Variants in TYW1 observed in about 807,000 individuals in gnomAD.
TYW1 encodes tRNA-yW synthesizing protein 1 homolog, also known as S-adenosyl-L-methionine-dependent tRNA 4-demethylwyosine synthase TYW1.
A neutral mutation model predicts 96.2 loss-of-function variants in TYW1; 46 were observed. That is an observed-to-expected ratio of 0.48 (90% CI 0.38 to 0.61). The LOEUF (loss-of-function observed/expected upper bound fraction) is 0.61, where lower values mean the gene tolerates loss of function less well. Ranked by LOEUF, TYW1 falls within the 20% of genes least tolerant of loss-of-function variation. The probability of loss-of-function intolerance (pLI) is 0.00; values close to 1 mark genes in which losing one functional copy is unlikely to be tolerated. For missense variants in TYW1, 684 were observed against 909.6 expected (o/e 0.75, Z 3.19); for synonymous variants, 274 against 323.0 (o/e 0.85, Z 1.63).
intron 7 of TYW1, among the ~76,000 whole-genome samples, chr7:67,029,413 G>GCA (rs1794585596): frequency 1.1e-5 from 1 of 93,456 alleles, no homozygotes; most frequent in Non-Finnish European, 2.2e-5. Context: ...GTGTGTGTGT[G>GCA]TGTATATATA....
chr7:67,060,250 A>G (rs1795655792), intron 9 of TYW1, among the ~76,000 whole-genome samples: 1 of 150,670 alleles, frequency 6.6e-6, no homozygotes, highest in South Asian at 2.1e-4. Context: ...TAATTTTTAT[A>G]TTTTCAGTAG....
At chr7:67,170,202 C>A (rs35877378) in intron 13 of TYW1, among the ~76,000 whole-genome samples, 42,562 of 151,760 alleles carry the variant, frequency 0.28, 6,485 homozygotes, top group African/African-American at 0.4. Flanking sequence ...TTCCCCATTG[C>A]ATTGTCTTTG....
intron 1 of TYW1, among the ~76,000 whole-genome samples, chr7:66,997,742 C>T (rs1347088807): frequency 2.0e-5 from 3 of 151,330 alleles, no homozygotes; most frequent in African/African-American, 7.3e-5. Flanking sequence ...AGTTCTCCTG[C>T]CTCAGCCCCC....
rs35654128 is a variant in TYW1, at chr7:67,072,248, C to CT, written c.1274+4861dup. The stretch of plus-strand genomic sequence containing the variant: ...AGACCTTTGTTAACCCCTCTACCCA[C>CT]TTTTTTTTTTTTTTTTGAGACGGAG... On this transcript the variant is annotated intron_variant, in intron 10 of 15. Coordinates refer to ENST00000359626, the MANE Select transcript of TYW1 (RefSeq NM_018264.4). Among the ~76,000 whole-genome samples, 398 of 128,928 alleles carry CT rather than the reference C, an allele frequency of 3.1e-3. 6 individuals are homozygous for CT. In the East Asian group the frequency reaches 0.033, roughly 11 times the overall value. The allele number at this position is 128,928 out of a possible 152,430, so 84.6% of individuals were successfully genotyped here.
intron 13 of TYW1, among the ~76,000 whole-genome samples, chr7:67,128,179 C>T (rs1797960145): frequency 6.6e-6 from 1 of 152,168 alleles, no homozygotes; most frequent in South Asian, 2.1e-4. Context: ...GTTACACATA[C>T]ATTACACCCT....
At chr7:67,144,482 G>T (rs1215441639) in intron 13 of TYW1, among the ~76,000 whole-genome samples, 1 of 151,632 alleles carries the variant, frequency 6.6e-6, no homozygotes, top group Non-Finnish European at 1.5e-5. Flanking sequence ...GTTTTGTTTT[G>T]TTTTTTTGAG....
intron 6 of TYW1, among the ~76,000 whole-genome samples, chr7:67,021,630 A>G (rs1447406884): frequency 6.6e-6 from 1 of 151,124 alleles, no homozygotes; most frequent in Non-Finnish European, 1.5e-5. Context: ...CTCTTACTGG[A>G]TTGGAATCTT....
At position 66,996,924 on chromosome 7, in the gene TYW1, G is replaced by C; in HGVS notation, c.-55G>C. The C allele has an allele frequency of 6.2e-7, 1 of 1,613,272 alleles. No individual in the cohort carries two copies. The highest frequency in any genetic ancestry group is 8.5e-7 in the Non-Finnish European group (1 of 1,179,652). On this transcript the variant is annotated 5_prime_UTR_variant, in exon 1 of 16. Coordinates refer to ENST00000359626, the MANE Select transcript of TYW1 (RefSeq NM_018264.4). The stretch of plus-strand genomic sequence containing the variant: ...TCGGTGCGTCTCGCGGTACCAGTGC[G>C]AATCATCGGGCTATCCAGGTCCGAG...
intron 6 of TYW1, among the ~76,000 whole-genome samples, chr7:67,023,776 AAAC>A (rs1299113819): frequency 6.6e-6 from 1 of 151,978 alleles, no homozygotes; most frequent in Non-Finnish European, 1.5e-5. Context: ...ACAACAACAA[AAAC>A]AACAACAACA....
intron 9 of TYW1, among the ~76,000 whole-genome samples, chr7:67,056,830 A>G (rs1795532457): frequency 6.6e-6 from 1 of 152,154 alleles, no homozygotes; most frequent in African/African-American, 2.4e-5. Flanking sequence ...GAGTAGGTAT[A>G]TATTTAACTT....
intron 10 of TYW1, among the ~76,000 whole-genome samples, chr7:67,077,317 T>G (rs185105354): frequency 1.3e-5 from 2 of 152,342 alleles, no homozygotes; most frequent in African/African-American, 4.8e-5. Context: ...TTGAGGAATC[T>G]CCATATTGTT....
chr7:67,117,787 G>A (rs1797640313), intron 13 of TYW1, among the ~76,000 whole-genome samples, 169 bp downstream of exon 13: 2 of 152,136 alleles, frequency 1.3e-5, no homozygotes, highest in African/African-American at 4.8e-5. Context: ...CCTTCTTCAA[G>A]GAATTTTGAA....
In TYW1 at chr7:67,176,785, AT is replaced by A. The variant is rs1317617128; in HGVS notation, c.1699-6336del. On this transcript the variant is annotated intron_variant, in intron 13 of 15. Coordinates refer to ENST00000359626, the MANE Select transcript of TYW1 (RefSeq NM_018264.4). ...ATAAGAGAACTTGCTCCACTGTAGG[AT>A]TTTTCAACATTGGCACCATCGACAT... Among the ~76,000 whole-genome samples, 3 of 152,188 alleles carry A rather than the reference AT, an allele frequency of 2.0e-5. No homozygotes were observed. In the East Asian group the frequency reaches 5.8e-4, roughly 29 times the overall value.
At chr7:67,017,814 G>A (rs1794076795) in intron 5 of TYW1, 39 bp from the exon 6 acceptor site, 1 of 1,576,826 alleles carries the variant, frequency 6.3e-7, no homozygotes, top group Admixed American at 1.8e-5. Flanking sequence ...CCCTGATTTA[G>A]AGAACCGTGC....
chr7:67,149,061 G>C (rs546880562), intron 13 of TYW1, among the ~76,000 whole-genome samples: 9 of 152,262 alleles, frequency 5.9e-5, no homozygotes, highest in Non-Finnish European at 1.2e-4. Context: ...TTACCAAGTA[G>C]ATTTCATCCT....
intron 10 of TYW1, among the ~76,000 whole-genome samples, chr7:67,072,608 G>A (rs2115703121): frequency 6.6e-6 from 1 of 152,210 alleles, no homozygotes; most frequent in South Asian, 2.1e-4. Context: ...AGCAGAGAGA[G>A]AACAATATAT....
intron 11 of TYW1, among the ~76,000 whole-genome samples, chr7:67,084,864 A>T (rs1796499311): frequency 6.6e-6 from 1 of 152,220 alleles, no homozygotes. Flanking sequence ...ACTGGGGACC[A>T]TGCTTTGAGA....
intron 7 of TYW1, among the ~76,000 whole-genome samples, chr7:67,029,382 CGTGT>C (rs67162571): frequency 0.015 from 1,582 of 106,536 alleles, 81 homozygotes; most frequent in Middle Eastern, 0.07. Context: ...TGTGTGTGTG[CGTGT>C]GTGTGTGTGT....
At chr7:67,159,545 A>G (rs528798894) in intron 13 of TYW1, among the ~76,000 whole-genome samples, 45 of 152,248 alleles carry the variant, frequency 3.0e-4, no homozygotes, top group African/African-American at 1.1e-3. Context: ...AAAAGTGTAC[A>G]GCTGACTTTC....
Sources: allele counts gnomAD v4.1 joint callset (sites outside exome capture counted in the v4.1 genomes callset), GRCh38; gene constraint gnomAD v4.1.1; transcripts MANE v1.5; gene names NCBI Gene and HGNC (gene_info 2026-07-23, HGNC 2026-07-21).